Variants in GADL1 observed in about 807,000 individuals in gnomAD.
GADL1 encodes acidic amino acid decarboxylase GADL1.
Under a neutral mutation model 69.5 loss-of-function variants are expected in GADL1, and 71 were observed. That is an observed-to-expected ratio of 1.02 (90% CI 0.84 to 1.25). The LOEUF (loss-of-function observed/expected upper bound fraction) is 1.25, where lower values mean the gene tolerates loss of function less well. Ranked by LOEUF, GADL1 falls within the 50% of genes most tolerant of loss-of-function variation. GADL1 has a pLI of 0.00. For synonymous variants in GADL1, 254 were observed against 214.4 expected (o/e 1.18, Z -1.62); for missense variants, 737 against 631.8 (o/e 1.17, Z -1.79).
intron 12 of GADL1, among the ~76,000 whole-genome samples, chr3:30,796,385 C>G (rs942869054): frequency 2.0e-5 from 3 of 152,084 alleles, no homozygotes; most frequent in Admixed American, 1.3e-4. Context: ...ACAAAGGTAC[C>G]TTCATCTAGG....
intron 14 of GADL1, among the ~76,000 whole-genome samples, chr3:30,740,580 C>A (rs921148238): frequency 5.3e-5 from 8 of 152,048 alleles, no homozygotes; most frequent in Admixed American, 1.3e-4. Flanking sequence ...AGTTACATAA[C>A]AAAACACTAT....
At position 30,831,639 on chromosome 3, in the gene GADL1, TAAC is replaced by T. The variant is rs1018398071; in HGVS notation, c.1050+2211_1050+2213del. On this transcript the variant is annotated intron_variant, in intron 11 of 14. Coordinates refer to ENST00000282538, the MANE Select transcript of GADL1 (RefSeq NM_207359.3). ...TAAATTTAGGGTAATTGCCTTATGG[TAAC>T]AACCCGTATATCATGTCTGATGCAA... is the stretch of plus-strand genomic sequence containing the variant. 1.6e-4 allele frequency among the ~76,000 whole-genome samples: 25 copies of T among 152,078 alleles called. No individual in the cohort carries two copies. In the South Asian group the frequency reaches 1.7e-3, roughly 10 times the overall value.
chr3:30,782,256 G>T lies in GADL1; in HGVS notation c.1303-3988C>A, dbSNP rs1696681643. 2.6e-5 allele frequency among the ~76,000 whole-genome samples: 4 copies of T among 152,296 alleles called. No individual in the cohort carries two copies. In the South Asian group the frequency reaches 8.3e-4, roughly 32 times the overall value. ...TTTGAAAAGCTGCTCTAGCAGCAGT[G>T]TGGCAGTTAGGCTGGAGGGATCTAA... On this transcript the variant is annotated intron_variant, in intron 13 of 14. Transcript: ENST00000282538.
chr3:30,832,817 T>C (rs1697814206), intron 11 of GADL1, among the ~76,000 whole-genome samples: 1 of 152,034 alleles, frequency 6.6e-6, no homozygotes, highest in Non-Finnish European at 1.5e-5. Context: ...ATTGAATACA[T>C]TCAACTCTAT....
Position 30,861,682 on chromosome 3 carries a change from C to G in GADL1, c.121G>C (p.Asp41His), listed in dbSNP as rs1698323513. The G allele has an allele frequency of 6.5e-6, 10 of 1,550,016 alleles. No homozygotes were observed. The East Asian group carries it at 7.3e-5, about 11-fold the overall frequency. Residue 41 changes from aspartate to histidine, a missense_variant, in exon 2 of 15, where the codon GAT becomes CAT. By Grantham distance (81) the Asp-to-His change is moderately conservative. Transcript: ENST00000282538. The part of the protein sequence containing the change: ...DGVVLNGPTT[D>H]AKAGEKFVEE... ...ACAAATTTTTCTCCAGCTTTTGCAT[C>G]TGTTGTAGGACCATTCAGCACAACC... is the stretch of plus-strand genomic sequence containing the variant.
intron 11 of GADL1, among the ~76,000 whole-genome samples, chr3:30,802,832 G>A (rs1168399514): frequency 6.6e-6 from 1 of 152,190 alleles, no homozygotes; most frequent in African/African-American, 2.4e-5. Context: ...GGGCACTGTG[G>A]CTCACACCTG....
intron 1 of GADL1, among the ~76,000 whole-genome samples, chr3:30,879,682 T>C (rs1227950226): frequency 4.6e-5 from 7 of 152,078 alleles, no homozygotes; most frequent in African/African-American, 1.7e-4. Context: ...TCTCTTCTCA[T>C]TGTCACTTCC....
chr3:30,760,209 C>T (rs1285072492), intron 14 of GADL1, among the ~76,000 whole-genome samples: 1 of 152,166 alleles, frequency 6.6e-6, no homozygotes, highest in East Asian at 1.9e-4. Context: ...CACTTCCTTC[C>T]TGCACAATCA....
intron 14 of GADL1, among the ~76,000 whole-genome samples, chr3:30,731,597 A>G (rs1214244870): frequency 2.0e-5 from 3 of 152,182 alleles, no homozygotes; most frequent in Non-Finnish European, 4.4e-5. Context: ...CTCTTGTGTA[A>G]AGCGCATGAC....
At chr3:30,893,830 A>G (rs191893322) in intron 1 of GADL1, among the ~76,000 whole-genome samples, 2 of 152,282 alleles carry the variant, frequency 1.3e-5, no homozygotes, top group African/African-American at 4.8e-5. Flanking sequence ...GCCCCCAGAG[A>G]GCTTCAACTT....
At chr3:30,750,444 C>T (rs1045571060) in intron 14 of GADL1, among the ~76,000 whole-genome samples, 2 of 152,154 alleles carry the variant, frequency 1.3e-5, no homozygotes, top group African/African-American at 4.8e-5. Context: ...CTGACATCAC[C>T]GATACTGTCG....
chr3:30,875,377 C>T (rs529192831), intron 1 of GADL1, among the ~76,000 whole-genome samples: 110 of 152,008 alleles, frequency 7.2e-4, no homozygotes, highest in African/African-American at 2.6e-3. Flanking sequence ...AAAATATCCT[C>T]ATTCCCATAT....
At chr3:30,871,079 G>GTGTGTGTC (rs1010205282) in intron 1 of GADL1, among the ~76,000 whole-genome samples, 68 of 149,690 alleles carry the variant, frequency 4.5e-4, no homozygotes, top group East Asian at 2.2e-3. Flanking sequence ...GTGTGTGTGT[G>GTGTGTGTC]TCCAAGAAAC....
chr3:30,835,605 G>A (rs765000417), intron 9 of GADL1, among the ~76,000 whole-genome samples: 4 of 151,956 alleles, frequency 2.6e-5, no homozygotes, highest in Non-Finnish European at 4.4e-5. Flanking sequence ...ATAATTCAAG[G>A]AAGAACTCAT....
At chr3:30,885,202 A>G (rs1271351480) in intron 1 of GADL1, among the ~76,000 whole-genome samples, 1 of 152,064 alleles carries the variant, frequency 6.6e-6, no homozygotes, top group Non-Finnish European at 1.5e-5. Flanking sequence ...CTTTTTCCAG[A>G]ATTGCACTGT....
chr3:30,802,757 C>T (rs368998427), intron 11 of GADL1, among the ~76,000 whole-genome samples: 20 of 152,052 alleles, frequency 1.3e-4, no homozygotes, highest in Non-Finnish European at 2.4e-4. Flanking sequence ...CCAAATATAA[C>T]CAAGAATTAC....
chr3:30,862,693 G>C (rs1698339121), intron 1 of GADL1, among the ~76,000 whole-genome samples: 1 of 151,914 alleles, frequency 6.6e-6, no homozygotes, highest in Non-Finnish European at 1.5e-5. Context: ...TATCTAAGAG[G>C]GATCACCTGG....
At chr3:30,786,165 T>C (rs1022689631) in intron 13 of GADL1, among the ~76,000 whole-genome samples, 190 bp downstream of exon 13, 1 of 152,230 alleles carries the variant, frequency 6.6e-6, no homozygotes, top group Non-Finnish European at 1.5e-5. Context: ...GGCAAGTATA[T>C]TCTGTGAATC....
intron 1 of GADL1, among the ~76,000 whole-genome samples, chr3:30,886,637 G>A (rs901442323): frequency 6.6e-6 from 1 of 152,142 alleles, no homozygotes; most frequent in Admixed American, 6.5e-5. Flanking sequence ...TCAGCATGGG[G>A]TTAGCTTTAT....
Sources: allele counts gnomAD v4.1 joint callset (sites outside exome capture counted in the v4.1 genomes callset), GRCh38; gene constraint gnomAD v4.1.1; transcripts MANE v1.5; gene names NCBI Gene and HGNC (gene_info 2026-07-23, HGNC 2026-07-21).